Variants in JPH3 observed in about 807,000 individuals in gnomAD.
JPH3 encodes the protein junctophilin-3.
A neutral mutation model predicts 59.6 loss-of-function variants in JPH3; 11 were observed. The observed-to-expected ratio is 0.18, with a 90% CI of 0.12 to 0.31. The LOEUF is 0.31. Ranked by LOEUF, JPH3 falls within the 10% of genes least tolerant of loss-of-function variation. The probability of loss-of-function intolerance (pLI) is 1.00; values close to 1 mark genes in which losing one functional copy is unlikely to be tolerated. For missense variants in JPH3, 1,202 were observed against 1,105.7 expected, an observed-to-expected ratio of 1.09 and a Z score of -1.24; for synonymous variants, 673 against 483.6, an observed-to-expected ratio of 1.39 and a Z score of -5.14.
chr16:87,638,494 A>T lies in JPH3; in HGVS notation c.383-5764A>T, dbSNP rs1257659271. On this transcript the variant is annotated intron_variant, in intron 1 of 4. Transcript: ENST00000284262. ...AGACCAGGACTGTACAGAGCACTTG[A>T]AGGGGCGGCCTCAAGAATTGTGCCG... Among the ~76,000 whole-genome samples, 4 of 152,082 alleles carry T rather than the reference A, an allele frequency of 2.6e-5. No homozygotes were observed. In the East Asian group the frequency reaches 5.8e-4, roughly 22 times the overall value.
At chr16:87,625,568 CGAG>C (rs140291398) in intron 1 of JPH3, among the ~76,000 whole-genome samples, 2 of 152,050 alleles carry the variant, frequency 1.3e-5, no homozygotes, top group African/African-American at 4.8e-5. Context: ...AAGGAAGTGG[CGAG>C]GAGGAGGAGG....
rs1166261981 is a variant in JPH3, at chr16:87,695,148, C to T, written c.2167-1432C>T. The stretch of plus-strand genomic sequence containing the variant: ...GGAGAGGAGCCAGCAGCAGCTGCTT[C>T]GTTGTGGGTGGGGGGAAGGGGGAGG... On this transcript the variant is annotated intron_variant, in intron 4 of 4. Transcript: ENST00000284262. 20 of 360,862 alleles carry T rather than the reference C, an allele frequency of 5.5e-5. 1 individual carries two copies. Among genetic ancestry groups the T allele is most frequent in the South Asian group, 3.5e-4 (17 of 48,566 alleles). The allele number at this position is 360,862 out of a possible 1,614,324, so 22.4% of individuals were successfully genotyped here.
chr16:87,658,136 A>G (rs1110600), intron 2 of JPH3, among the ~76,000 whole-genome samples: 94,613 of 152,016 alleles, frequency 0.62, 29,622 homozygotes, highest in South Asian at 0.71. Flanking sequence ...TAATGGGCCC[A>G]ACACCAACCT....
At chr16:87,640,647 C>G (rs1445359715) in intron 1 of JPH3, among the ~76,000 whole-genome samples, 1 of 152,152 alleles carries the variant, frequency 6.6e-6, no homozygotes, top group African/African-American at 2.4e-5. Context: ...CTCGCCTCGG[C>G]CTCCCAAAGT....
rs1057319806 is a variant in JPH3, at chr16:87,609,391, C to T, written c.382+5863C>T. Among the ~76,000 whole-genome samples the T allele has an allele frequency of 1.1e-4, 16 of 152,220 alleles. No individual in the cohort carries two copies. The East Asian group carries it at 2.1e-3, about 20-fold the overall frequency. On this transcript the variant is annotated intron_variant, in intron 1 of 4. Transcript: ENST00000284262. ...AAGTCATTCTCATGCCTCAGCCTCCCGAGTAGCTGGGATTACAGGCATACA... is the reference window on the plus strand; with the variant it reads ...AAGTCATTCTCATGCCTCAGCCTCCTGAGTAGCTGGGATTACAGGCATACA...
At chr16:87,602,422 G>C (rs1259294187), upstream of JPH3, among the ~76,000 whole-genome samples, 1 of 105,458 alleles carries the variant, frequency 9.5e-6, no homozygotes, top group Non-Finnish European at 2.0e-5. Flanking sequence ...CCGGGGGCGG[G>C]GGCGGGGGCG....
At chr16:87,644,018 G>T (rs1597256772) in intron 1 of JPH3, among the ~76,000 whole-genome samples, 1 of 152,308 alleles carries the variant, frequency 6.6e-6, no homozygotes, top group East Asian at 1.9e-4. Context: ...CACGCCTGTA[G>T]TCCCAGCTGC....
At chr16:87,632,631 G>A (rs990622138) in intron 1 of JPH3, among the ~76,000 whole-genome samples, 1 of 152,138 alleles carries the variant, frequency 6.6e-6, no homozygotes, top group Non-Finnish European at 1.5e-5. Flanking sequence ...AGCGACTCAC[G>A]CCTCTAATCC....
chr16:87,624,156 C>G (rs879755915), intron 1 of JPH3, among the ~76,000 whole-genome samples: 63 of 152,242 alleles, frequency 4.1e-4, no homozygotes, highest in African/African-American at 1.5e-3. Context: ...AAAAATACAG[C>G]TTTGCTGACA....
chr16:87,666,367 G>T (rs568932585), intron 2 of JPH3, among the ~76,000 whole-genome samples: 158 of 149,852 alleles, frequency 1.1e-3, no homozygotes, highest in African/African-American at 3.8e-3. Context: ...TATATTACAG[G>T]CATGAGCCAC....
chr16:87,639,502 C>T (rs966724325), intron 1 of JPH3, among the ~76,000 whole-genome samples: 1 of 152,068 alleles, frequency 6.6e-6, no homozygotes, highest in African/African-American at 2.4e-5. Context: ...GCATTAAGCA[C>T]ATTCACGCTG....
chr16:87,647,946 G>A (rs1395184542), intron 2 of JPH3, among the ~76,000 whole-genome samples: 4 of 152,212 alleles, frequency 2.6e-5, no homozygotes, highest in Non-Finnish European at 4.4e-5. Context: ...GCCCCAGGCC[G>A]GTCGCCTCCC....
rs543265411 is a variant in JPH3, at chr16:87,612,797, C to T, written c.382+9269C>T. On this transcript the variant is annotated intron_variant, in intron 1 of 4. Transcript: ENST00000284262. Reference sequence around the variant, plus strand: ...TTGGGAGGCCGAGGCGGGCGGAGGCCGAGGAGGTCAGGAGATTGAGACCAT... The same window carrying T: ...TTGGGAGGCCGAGGCGGGCGGAGGCTGAGGAGGTCAGGAGATTGAGACCAT... Among the ~76,000 whole-genome samples the T allele has an allele frequency of 5.3e-5, 8 of 151,944 alleles. No homozygotes were observed. The East Asian group carries it at 7.8e-4, about 15-fold the overall frequency.
chr16:87,603,644 G>C, intron 1 of JPH3, 116 bp downstream of exon 1: 1 of 1,305,770 alleles, frequency 7.7e-7, no homozygotes, highest in Non-Finnish European at 1.0e-6. Flanking sequence ...GTGGGCACCA[G>C]GGGCCTTTCC....
intron 2 of JPH3, among the ~76,000 whole-genome samples, chr16:87,659,826 C>T (rs1461131912): frequency 1.3e-5 from 2 of 152,182 alleles, no homozygotes; most frequent in African/African-American, 4.8e-5. Context: ...ATCTCCAGAA[C>T]TCCTTTCACC....
In JPH3 at chr16:87,644,431, G is replaced by A. The variant is rs537168569; in HGVS notation, c.556G>A (p.Ala186Thr). 1.2e-6 allele frequency: 2 copies of A among 1,612,060 alleles called. No homozygotes were observed. Among genetic ancestry groups the A allele is most frequent in the South Asian group, 1.1e-5 (1 of 91,018 alleles). ...GCATCCCGACGCCTCTCCGGCGGTG[G>A]CCGGCAGCCCGGCCGTGTCCCGCGG... Reference protein sequence around the residue: ...ALHPDASPAVAGSPAVSRGGF... With the variant: ...ALHPDASPAVTGSPAVSRGGF... Residue 186 changes from alanine (A) to threonine (T), a missense_variant, in exon 2 of 5, where the codon GCC (alanine) becomes ACC (threonine). Transcript: ENST00000284262.
intron 1 of JPH3, among the ~76,000 whole-genome samples, chr16:87,613,034 T>A (rs930607172): frequency 6.7e-6 from 1 of 148,634 alleles, no homozygotes; most frequent in Non-Finnish European, 1.5e-5. Context: ...TCAAAAAAAA[T>A]AAAGTAAAAT....
intron 1 of JPH3, among the ~76,000 whole-genome samples, chr16:87,633,499 A>G (rs963603752): frequency 1.3e-5 from 2 of 151,244 alleles, no homozygotes; most frequent in Admixed American, 6.6e-5. Flanking sequence ...AAAAATTTAT[A>G]TATATATATA....
chr16:87,685,839 G>A (rs956518858), intron 3 of JPH3, among the ~76,000 whole-genome samples: 2 of 152,230 alleles, frequency 1.3e-5, no homozygotes, highest in African/African-American at 4.8e-5. Context: ...GAACATTGAA[G>A]CCTCCATCCT....
Sources: allele counts gnomAD v4.1 joint callset (sites outside exome capture counted in the v4.1 genomes callset), GRCh38; gene constraint gnomAD v4.1.1; transcripts MANE v1.5; gene names NCBI Gene and HGNC (gene_info 2026-07-23, HGNC 2026-07-21).